PAAF1: variants seen among roughly 807,000 people sequenced by gnomAD.
PAAF1 encodes the protein proteasomal ATPase-associated factor 1.
In PAAF1, 46 loss-of-function variants were observed where a neutral mutation model predicts 52.8. The observed-to-expected ratio is 0.87, with a 90% confidence interval of 0.69 to 1.11. The LOEUF (loss-of-function observed/expected upper bound fraction) is 1.11, where lower values mean the gene tolerates loss of function less well. Among genes scored for constraint, PAAF1 ranks in the 50% most tolerant of loss-of-function variants. The pLI, the probability that PAAF1 is intolerant of heterozygous loss-of-function variation, is 0.00. For synonymous variants in PAAF1, 178 were observed against 172.8 expected (o/e 1.03, Z -0.24); for missense variants, 424 against 477.4 (o/e 0.89, Z 1.04).
chr11:73,895,800 G>A (rs59875647), intron 4 of PAAF1, among the ~76,000 whole-genome samples: 2,499 of 152,258 alleles, frequency 0.016, 67 homozygotes, highest in African/African-American at 0.058. Flanking sequence ...TGAAGTGATT[G>A]CTGATACTGA....
At chr11:73,923,563 TCTCA>T (rs1269693882) in intron 10 of PAAF1, among the ~76,000 whole-genome samples, 1 of 152,098 alleles carries the variant, frequency 6.6e-6, no homozygotes, top group African/African-American at 2.4e-5. Context: ...TGAGACAGAG[TCTCA>T]CTCTGTCGCC....
chr11:73,915,427 C>A (rs890619326), intron 8 of PAAF1, among the ~76,000 whole-genome samples: 1 of 152,028 alleles, frequency 6.6e-6, no homozygotes, highest in Non-Finnish European at 1.5e-5. Flanking sequence ...GGCAAAAAAA[C>A]CCATCTCTAT....
rs1950441398 is a variant in PAAF1, at chr11:73,930,417, TA to T, written c.*3056del. On this transcript the variant is annotated 3_prime_UTR_variant, in exon 12 of 12. Transcript: ENST00000310571. ...GAAAACAGGAAGAAATGTTGTCATT[TA>T]TTTGTAGAATCTGAAACATTTGAAC... The T allele has an allele frequency of 6.6e-6, 1 of 150,886 alleles. No homozygotes were observed. The highest frequency in any genetic ancestry group is 2.1e-4 in the South Asian group (1 of 4,772). 9.3% of individuals were successfully genotyped at this position (150,886 alleles called of 1,614,324 possible).
chr11:73,899,950 C>T (rs965584783), intron 5 of PAAF1, among the ~76,000 whole-genome samples: 1 of 152,082 alleles, frequency 6.6e-6, no homozygotes, highest in Non-Finnish European at 1.5e-5. Context: ...GTCCCCAAGC[C>T]ACCTCAGCTC....
chr11:73,911,656 C>G (rs939278340), intron 7 of PAAF1, among the ~76,000 whole-genome samples: 1 of 135,408 alleles, frequency 7.4e-6, no homozygotes, highest in African/African-American at 2.8e-5. Context: ...TGGAGTCTCA[C>G]TCTGTTGCCC....
At chr11:73,883,772 C>T (rs931690073) in intron 2 of PAAF1, among the ~76,000 whole-genome samples, 15 of 152,122 alleles carry the variant, frequency 9.9e-5, no homozygotes, top group Admixed American at 2.6e-4. Context: ...CCTCCCACCT[C>T]GGCCTCCCAA....
In PAAF1 at chr11:73,878,327, T is replaced by C. The variant is rs117555858; in HGVS notation, c.48-452T>C. ...CCTAGATCTTTCTGTCTTAAATGCA[T>C]AGACCCTTTCCATTATACCCTAAAA... On this transcript the variant is annotated intron_variant, in intron 1 of 11. Coordinates refer to ENST00000310571, the MANE Select transcript of PAAF1 (RefSeq NM_025155.3). Among the ~76,000 whole-genome samples the C allele has an allele frequency of 2.3e-3, 345 of 152,336 alleles. 14 individuals carry two copies. The East Asian group carries it at 0.053, about 23-fold the overall frequency.
chr11:73,914,352 T>C, intron 7 of PAAF1, 61 bp from the exon 8 acceptor site: 1 of 1,378,968 alleles, frequency 7.3e-7, no homozygotes, highest in Non-Finnish European at 1.0e-6. Flanking sequence ...GTATTGGTGC[T>C]GTGTGGGCAC....
chr11:73,884,425 A>T (rs988008093), intron 2 of PAAF1, among the ~76,000 whole-genome samples: 3 of 152,118 alleles, frequency 2.0e-5, no homozygotes, highest in Admixed American at 1.3e-4. Context: ...ATTCTGGGAG[A>T]TAGAGGCTGC....
intron 4 of PAAF1, among the ~76,000 whole-genome samples, chr11:73,897,387 AC>A (rs1949433495): frequency 6.7e-6 from 1 of 150,192 alleles, no homozygotes; most frequent in Non-Finnish European, 1.5e-5. Context: ...CACTTCTCAG[AC>A]GGGGTGGCTG....
At chr11:73,898,095 A>G (rs1949472459) in intron 4 of PAAF1, among the ~76,000 whole-genome samples, 1 of 151,844 alleles carries the variant, frequency 6.6e-6, no homozygotes, top group African/African-American at 2.4e-5. Context: ...AGGCAGGAGA[A>G]TCAGGCAGGG....
intron 2 of PAAF1, chr11:73,880,686 CGAAAAAAAAAAAAA>C (rs1565123082): frequency 2.6e-5 from 1 of 38,068 alleles, no homozygotes; most frequent in South Asian, 1.5e-3. Context: ...GACTCTGTCT[CGAAAAAAAAAAAAA>C]AAAAAAAAAA....
At chr11:73,879,922 T>C (rs377645343) in intron 2 of PAAF1, 2 of 151,910 alleles carry the variant, frequency 1.3e-5, no homozygotes, top group East Asian at 3.9e-4. Flanking sequence ...GGATGGACTT[T>C]ATAGTGCTGT....
intron 10 of PAAF1, among the ~76,000 whole-genome samples, chr11:73,921,257 A>G (rs1252426262): frequency 6.6e-6 from 1 of 151,248 alleles, no homozygotes; most frequent in Non-Finnish European, 1.5e-5. Flanking sequence ...CCAAGATTGT[A>G]CCACCGCACT....
chr11:73,922,086 GTC>G (rs1311234571), intron 10 of PAAF1: 1 of 903,270 alleles, frequency 1.1e-6, no homozygotes, highest in East Asian at 3.2e-5. Context: ...TGTATCTTTT[GTC>G]TCTCTGGGGG....
chr11:73,891,194 CAA>C lies in PAAF1; in HGVS notation c.277_278del (p.Lys93GlufsTer18), dbSNP rs369473709. ...TATACTACTTTTTCCAGAATTCATA[CAA>C]AGAGTGTAAGTATTTTGATAAAATG... On this transcript the variant is annotated frameshift_variant, in exon 4 of 12. Coordinates refer to ENST00000310571, the MANE Select transcript of PAAF1 (RefSeq NM_025155.3). LOFTEE classifies it high-confidence loss of function. The C allele has an allele frequency of 5.0e-4, 768 of 1,542,076 alleles. 8 individuals are homozygous for C. In the South Asian group the frequency reaches 8.3e-3, roughly 17 times the overall value.
intron 11 of PAAF1, 61 bp downstream of exon 11, chr11:73,924,758 G>A: frequency 7.4e-7 from 1 of 1,342,592 alleles, no homozygotes; most frequent in Non-Finnish European, 1.1e-6. Flanking sequence ...GGGCTTTTAT[G>A]AGACTGAATC....
At chr11:73,922,264 G>A (rs34659829) in intron 10 of PAAF1, 32,567 of 578,148 alleles carry the variant, frequency 0.056, 1,017 homozygotes, top group Middle Eastern at 0.089. Context: ...CTGGGAAGAA[G>A]GCAAGGCATA....
chr11:73,896,724 C>T (rs909459132), intron 4 of PAAF1, among the ~76,000 whole-genome samples: 22 of 152,214 alleles, frequency 1.4e-4, no homozygotes, highest in East Asian at 1.9e-4. Context: ...GGCAACCATC[C>T]GATTCTCAAT....
Sources: gnomAD v4.1 joint callset for allele counts (sites outside exome capture counted in the v4.1 genomes callset) on GRCh38, gnomAD v4.1.1 for gene constraint, MANE v1.5 for transcripts, NCBI Gene and HGNC (gene_info 2026-07-23, HGNC 2026-07-21) for gene names.